CALN1: variants seen among roughly 807,000 people sequenced by gnomAD.
CALN1 encodes the protein calcium-binding protein 8.
CALN1 carries 17 observed loss-of-function variants against 30.6 expected under a neutral mutation model. The observed-to-expected ratio is 0.56, with a 90% CI of 0.38 to 0.83. The LOEUF (loss-of-function observed/expected upper bound fraction) is 0.83. Ranked by LOEUF, CALN1 falls within the 40% of genes least tolerant of loss-of-function variation. The probability of loss-of-function intolerance (pLI) is 0.00; values close to 1 mark genes in which losing one functional copy is unlikely to be tolerated. For missense variants in CALN1, 291 were observed against 354.9 expected, an observed-to-expected ratio of 0.82 and a Z score of 1.45; for synonymous variants, 156 against 131.4, an observed-to-expected ratio of 1.19 and a Z score of -1.28.
intron 3 of CALN1, among the ~76,000 whole-genome samples, chr7:72,207,840 A>C (rs1253343998): frequency 2.0e-5 from 3 of 152,204 alleles, no homozygotes; most frequent in Non-Finnish European, 4.4e-5. Context: ...TTTGCAATGC[A>C]TATATATTAC....
intron 2 of CALN1, among the ~76,000 whole-genome samples, chr7:72,293,461 C>T (rs1049426654): frequency 5.3e-5 from 8 of 152,142 alleles, no homozygotes; most frequent in African/African-American, 1.9e-4. Flanking sequence ...GAAAAATACC[C>T]CAGCCTCTCT....
At chr7:71,791,373 G>A (rs563295984) in intron 6 of CALN1, among the ~76,000 whole-genome samples, 7 of 152,264 alleles carry the variant, frequency 4.6e-5, no homozygotes, top group South Asian at 4.1e-4. Context: ...TCGAGGAATC[G>A]CCACACTGCT....
chr7:72,137,841 A>G (rs1434822629), intron 3 of CALN1, among the ~76,000 whole-genome samples: 1 of 152,208 alleles, frequency 6.6e-6, no homozygotes, highest in Non-Finnish European at 1.5e-5. Context: ...AAAGTTTAGA[A>G]AAAGAACAAA....
chr7:71,895,855 C>T (rs1171942092), intron 5 of CALN1, among the ~76,000 whole-genome samples: 1 of 152,174 alleles, frequency 6.6e-6, no homozygotes, highest in Non-Finnish European at 1.5e-5. Flanking sequence ...GCAAAAACAG[C>T]AGTGACTTTT....
At chr7:72,361,305 C>T (rs1311347183) in intron 2 of CALN1, among the ~76,000 whole-genome samples, 1 of 152,034 alleles carries the variant, frequency 6.6e-6, no homozygotes, top group Non-Finnish European at 1.5e-5. Flanking sequence ...TTGAATACCA[C>T]CTACTATGAA....
At chr7:72,479,513 T>C in the CALN1 span, among the ~76,000 whole-genome samples, 18 of 152,026 alleles carry the variant, frequency 1.2e-4, no homozygotes, top group Admixed American at 9.8e-4. Context: ...ATGTTATAGT[T>C]TTAGGTTTTA....
At chr7:71,967,064 T>A (rs1797563952) in intron 5 of CALN1, among the ~76,000 whole-genome samples, 1 of 152,196 alleles carries the variant, frequency 6.6e-6, no homozygotes, top group African/African-American at 2.4e-5. Flanking sequence ...ACCCATTCAC[T>A]TGTTTATTCC....
intron 5 of CALN1, among the ~76,000 whole-genome samples, chr7:71,849,233 A>G (rs990174604): frequency 1.3e-5 from 2 of 152,166 alleles, no homozygotes; most frequent in Non-Finnish European, 2.9e-5. Context: ...AGTTGCCCCA[A>G]TTGTATTGAA....
intron 3 of CALN1, among the ~76,000 whole-genome samples, chr7:72,137,843 AAG>A (rs1333160583): frequency 6.6e-6 from 1 of 152,198 alleles, no homozygotes; most frequent in African/African-American, 2.4e-5. Context: ...AGTTTAGAAA[AAG>A]AACAAATTTT....
intron 5 of CALN1, among the ~76,000 whole-genome samples, chr7:71,990,991 G>A (rs1433890689): frequency 1.3e-5 from 2 of 150,250 alleles, no homozygotes; most frequent in East Asian, 2.1e-4. Flanking sequence ...GAGTACTAAC[G>A]CAGAGGACCA....
At chr7:72,089,511 T>C (rs1805707498) in intron 4 of CALN1, among the ~76,000 whole-genome samples, 1 of 152,076 alleles carries the variant, frequency 6.6e-6, no homozygotes, top group African/African-American at 2.4e-5. Flanking sequence ...AATGACAACA[T>C]AATCACACAT....
chr7:71,846,793 T>C (rs1466010119), intron 5 of CALN1, among the ~76,000 whole-genome samples: 1 of 146,126 alleles, frequency 6.8e-6, no homozygotes, highest in Non-Finnish European at 1.5e-5. Context: ...TACGTGTATA[T>C]ACATATATAT....
chr7:71,795,545 G>A (rs1384074280), intron 6 of CALN1, among the ~76,000 whole-genome samples: 1 of 152,064 alleles, frequency 6.6e-6, no homozygotes, highest in East Asian at 1.9e-4. Context: ...ACACATTCGC[G>A]AGATTGCGCA....
upstream of CALN1, among the ~76,000 whole-genome samples, chr7:72,413,381 A>G (rs906011457): frequency 5.3e-5 from 8 of 151,954 alleles, no homozygotes; most frequent in Non-Finnish European, 1.0e-4. Flanking sequence ...ACCCACGAAC[A>G]TACTCATACA....
intron 3 of CALN1, among the ~76,000 whole-genome samples, chr7:72,117,957 CA>C (rs35965942): frequency 5.9e-4 from 61 of 103,658 alleles, no homozygotes; most frequent in Admixed American, 8.3e-4. Context: ...GACACCGTCT[CA>C]AAAAAAAAAA....
intron 3 of CALN1, among the ~76,000 whole-genome samples, chr7:72,203,496 G>T (rs949185933): frequency 7.2e-5 from 11 of 152,066 alleles, no homozygotes; most frequent in Non-Finnish European, 1.3e-4. Context: ...TGTTTCTGGG[G>T]ACCTGCAATA....
At chr7:72,483,489 T>C in the CALN1 span, among the ~76,000 whole-genome samples, 584 of 152,192 alleles carry the variant, frequency 3.8e-3, 4 homozygotes, top group African/African-American at 0.013. Flanking sequence ...TTCACCATGT[T>C]GGCCAGGCTG....
At chr7:72,427,643 ATTTATTTTTATTTTTATT>A (rs558641956) in intron 1 of CALN1, among the ~76,000 whole-genome samples, 1 of 151,488 alleles carries the variant, frequency 6.6e-6, no homozygotes, top group Non-Finnish European at 1.5e-5. Flanking sequence ...ACACATGGCA[ATTTATTTTTATTTTTATT>A]TTTATTTTTA....
At chr7:72,241,940 A>G (rs546564176) in intron 3 of CALN1, among the ~76,000 whole-genome samples, 2 of 152,266 alleles carry the variant, frequency 1.3e-5, no homozygotes, top group East Asian at 3.9e-4. Context: ...GTATATTTTC[A>G]TTATTGGGCA....
Sources: gnomAD v4.1 joint callset for allele counts (sites outside exome capture counted in the v4.1 genomes callset) on GRCh38, gnomAD v4.1.1 for gene constraint, MANE v1.5 for transcripts, NCBI Gene and HGNC (gene_info 2026-07-23, HGNC 2026-07-21) for gene names.